The following OR52R1 variants were observed in gnomAD, a reference collection of about 807,000 sequenced individuals.
OR52R1 encodes the protein olfactory receptor family 52 subfamily R member 1.
For synonymous variants in OR52R1, 159 were observed against 150.1 expected (o/e 1.06, Z -0.43); for missense variants, 432 against 395.1 (o/e 1.09, Z -0.79).
chr11:4,803,680 C>T lies in OR52R1; in HGVS notation c.701G>A (p.Gly234Asp). ...GCTAAAAGCTTTGAGGCGGGCTTCA[C>T]CTGAGGGCAACTGAAGCACAGCTCT... ...ILRAVLQLPS[G>D]EARLKAFSTR... The change falls in exon 1 of 1, where the codon GGT becomes GAT. Residue 234 changes from glycine (G) to aspartate (D), a missense_variant. Physicochemically the swap from Gly to Asp is moderately conservative, Grantham distance 94. Coordinates refer to ENST00000624978, the MANE Select transcript of OR52R1 (RefSeq NM_001005177.3). 2.5e-6 allele frequency: 4 copies of T among 1,613,862 alleles called. No individual in the cohort carries two copies. Among genetic ancestry groups the T allele is most frequent in the Non-Finnish European group, 3.4e-6 (4 of 1,179,964 alleles).
At position 4,803,439 on chromosome 11, in the gene OR52R1, G is replaced by C. The variant is rs200172846; in HGVS notation, c.942C>G (p.Ile314Met). 99 of 1,599,240 alleles carry C rather than the reference G, an allele frequency of 6.2e-5. No individual in the cohort carries two copies. Among genetic ancestry groups the C allele is most frequent in the Non-Finnish European group, 8.5e-6 (10 of 1,169,684 alleles). ...DRVIQGCCGN[I>M]P is the part of the protein sequence containing the mutation. ...GGATACACTGACCCTTTGCTCAGGG[G>C]ATGTTTCCACAACATCCTTGGATAA... The change falls in exon 1 of 1, where the codon ATC (isoleucine) becomes ATG (methionine). Residue 314 changes from isoleucine (I) to methionine (M), a missense_variant. Physicochemically the swap from Ile to Met is conservative, Grantham distance 10. Transcript: ENST00000624978.
Position 4,804,169 on chromosome 11 carries a change from A to T in OR52R1, c.212T>A (p.Ile71Asn), listed in dbSNP as rs772784953. 2.5e-6 allele frequency: 4 copies of T among 1,614,186 alleles called. No individual in the cohort carries two copies. The East Asian group carries it at 6.7e-5, about 27-fold the overall frequency. ...GGAGGAGGAGAGGACCAGGTCAGTG[A>T]TGGCCAGCATGGCCAGAAAGAGGTA... Reference protein sequence around the residue: ...PMYLFLAMLAITDLVLSSSTQ... With the variant: ...PMYLFLAMLANTDLVLSSSTQ... The change falls in exon 1 of 1, where the codon ATC (isoleucine) becomes AAC (asparagine). Residue 71 changes from isoleucine (I) to asparagine (N), a missense_variant. Coordinates refer to ENST00000624978, the MANE Select transcript of OR52R1 (RefSeq NM_001005177.3).
rs750229135 is a variant in OR52R1, at chr11:4,803,540, T to A, written c.841A>T (p.Asn281Tyr). Residue 281 changes from asparagine (N) to tyrosine (Y), a missense_variant, in exon 1 of 1, where the codon AAT (asparagine) becomes TAT (tyrosine). Transcript: ENST00000624978. ...VPRVVHILFA[N>Y]LYLLIPPMLN... ...ATGGGAGGTATCAGTAGATAGAGAT[T>A]AGCAAACAGGATGTGTACAACTCGG... 5 of 1,613,932 alleles carry A rather than the reference T, an allele frequency of 3.1e-6. No individual in the cohort carries two copies. The highest frequency in any genetic ancestry group is 1.1e-5 in the South Asian group (1 of 91,048).
Position 4,803,972 on chromosome 11 carries a change from TAG to T in OR52R1, c.407_408del (p.Ser136Ter). ...YVAICFPLRH[S>X]SILTPSVVIK... ...ATCACGACCGATGGGGTCAGGATGCTAGAGTGTCGGAGTGGGAAGCAGATAGC... is the reference window on the plus strand; with the variant it reads ...ATCACGACCGATGGGGTCAGGATGCTAGTGTCGGAGTGGGAAGCAGATAGC... On this transcript the variant is annotated frameshift_variant, in exon 1 of 1. Coordinates refer to ENST00000624978, the MANE Select transcript of OR52R1 (RefSeq NM_001005177.3). LOFTEE classifies it low-confidence loss of function (END_TRUNC). The T allele has an allele frequency of 6.2e-7, 1 of 1,613,438 alleles. No individual in the cohort carries two copies. Among genetic ancestry groups the T allele is most frequent in the Non-Finnish European group, 8.5e-7 (1 of 1,179,924 alleles).
At position 4,803,519 on chromosome 11, in the gene OR52R1, G is replaced by C. The variant is rs1373468248; in HGVS notation, c.862C>G (p.Pro288Ala). The change falls in exon 1 of 1, where the codon CCC becomes GCC. Residue 288 changes from proline (P) to alanine (A), a missense_variant. Physicochemically the swap from Pro to Ala is conservative, Grantham distance 27. Transcript: ENST00000624978. ...CCATAAATGATGGGGTTGAGCATGGGAGGTATCAGTAGATAGAGATTAGCA... is the reference window on the plus strand; with the variant it reads ...CCATAAATGATGGGGTTGAGCATGGCAGGTATCAGTAGATAGAGATTAGCA... ...LFANLYLLIP[P>A]MLNPIIYGVR... 1.2e-6 allele frequency: 2 copies of C among 1,613,980 alleles called. No homozygotes were observed. Among genetic ancestry groups the C allele is most frequent in the Non-Finnish European group, 1.7e-6 (2 of 1,179,992 alleles).
At position 4,803,466 on chromosome 11, in the gene OR52R1, C is replaced by G; in HGVS notation, c.915G>C (p.Arg305Ser). ...TGTTTCCACAACATCCTTGGATAAC[C>G]CTGTCCCCGATCTGTTTGGTTCTAA... ...YGVRTKQIGDRVIQGCCGNIP is the reference protein window; with the variant it reads ...YGVRTKQIGDSVIQGCCGNIP The change falls in exon 1 of 1, where the codon AGG (arginine) becomes AGC (serine). Residue 305 changes from arginine (R) to serine (S), a missense_variant. Physicochemically the swap from Arg to Ser is moderately radical, Grantham distance 110. Transcript: ENST00000624978. 3.1e-6 allele frequency: 5 copies of G among 1,612,246 alleles called. No individual in the cohort carries two copies. The highest frequency in any genetic ancestry group is 4.2e-6 in the Non-Finnish European group (5 of 1,178,666).
Position 4,804,095 on chromosome 11 carries a change from G to GA in OR52R1, c.285dup (p.Gln96SerfsTer42). The GA allele has an allele frequency of 6.2e-7, 1 of 1,614,102 alleles. No homozygotes were observed. Among genetic ancestry groups the GA allele is most frequent in the Non-Finnish European group, 8.5e-7 (1 of 1,180,026 alleles). ...ACCTGGATGAGGCAGGCATGGTACT[G>GA]AATCTCATGAGCATGAAACCAGAAT... On this transcript the variant is annotated frameshift_variant, in exon 1 of 1. Coordinates refer to ENST00000624978, the MANE Select transcript of OR52R1 (RefSeq NM_001005177.3). LOFTEE classifies it low-confidence loss of function (END_TRUNC).
At position 4,803,509 on chromosome 11, in the gene OR52R1, T is replaced by A. The variant is rs912305048; in HGVS notation, c.872A>T (p.Asn291Ile). Residue 291 changes from asparagine (N) to isoleucine (I), a missense_variant, in exon 1 of 1, where the codon AAC (asparagine) becomes ATC (isoleucine). By Grantham distance (149) the Asn-to-Ile change is moderately radical. Coordinates refer to ENST00000624978, the MANE Select transcript of OR52R1 (RefSeq NM_001005177.3). Reference sequence around the variant, plus strand: ...GGTTCTAACTCCATAAATGATGGGGTTGAGCATGGGAGGTATCAGTAGATA... The same window carrying A: ...GGTTCTAACTCCATAAATGATGGGGATGAGCATGGGAGGTATCAGTAGATA... ...NLYLLIPPML[N>I]PIIYGVRTKQ... 2.5e-6 allele frequency: 4 copies of A among 1,613,796 alleles called. No homozygotes were observed. The highest frequency in any genetic ancestry group is 1.7e-5 in the Admixed American group (1 of 59,982).
Position 4,803,545 on chromosome 11 carries a change from A to C in OR52R1, c.836T>G (p.Phe279Cys). The change falls in exon 1 of 1, where the codon TTT becomes TGT. Residue 279 changes from phenylalanine to cysteine, a missense_variant. Phe to Cys is a radical substitution (Grantham distance 205, BLOSUM62 -2). Transcript: ENST00000624978. The part of the protein sequence containing the change: ...HDVPRVVHIL[F>C]ANLYLLIPPM... ...AGGTATCAGTAGATAGAGATTAGCAAACAGGATGTGTACAACTCGGGGCAC... is the reference window on the plus strand; with the variant it reads ...AGGTATCAGTAGATAGAGATTAGCACACAGGATGTGTACAACTCGGGGCAC... 1 of 1,614,078 alleles carries C rather than the reference A, an allele frequency of 6.2e-7. No homozygotes were observed. Among genetic ancestry groups the C allele is most frequent in the Non-Finnish European group, 8.5e-7 (1 of 1,179,986 alleles).
Position 4,804,268 on chromosome 11 carries a change from T to C in OR52R1, c.113A>G (p.Tyr38Cys), listed in dbSNP as rs933607793. The change falls in exon 1 of 1, where the codon TAT (tyrosine) becomes TGT (cysteine). Residue 38 changes from tyrosine to cysteine, a missense_variant. Physicochemically the swap from Tyr to Cys is radical, Grantham distance 194 (BLOSUM62 -2). Transcript: ENST00000624978. ...LWIAFPFCATYAVAVVGNITL... is the reference protein window; with the variant it reads ...LWIAFPFCATCAVAVVGNITL... Reference sequence around the variant, plus strand: ...GATATTTCCAACAACAGCCACAGCATACGTGGCACAGAACGGAAAGGCAAT... The same window carrying C: ...GATATTTCCAACAACAGCCACAGCACACGTGGCACAGAACGGAAAGGCAAT... 1.2e-6 allele frequency: 2 copies of C among 1,613,680 alleles called. No individual in the cohort carries two copies. The highest frequency in any genetic ancestry group is 1.7e-6 in the Non-Finnish European group (2 of 1,179,836).
chr11:4,804,182 C>A lies in OR52R1; in HGVS notation c.199G>T (p.Ala67Ser). 3 of 1,614,070 alleles carry A rather than the reference C, an allele frequency of 1.9e-6. No individual in the cohort carries two copies. The Admixed American group carries it at 5.0e-5, about 27-fold the overall frequency. The part of the protein sequence containing the change: ...TLHEPMYLFL[A>S]MLAITDLVLS... ...ACCAGGTCAGTGATGGCCAGCATGGCCAGAAAGAGGTACATGGGCTCATGC... is the reference window on the plus strand; with the variant it reads ...ACCAGGTCAGTGATGGCCAGCATGGACAGAAAGAGGTACATGGGCTCATGC... The change falls in exon 1 of 1, where the codon GCC becomes TCC. Residue 67 changes from alanine (A) to serine (S), a missense_variant. Ala to Ser is a moderately conservative substitution (Grantham distance 99). Coordinates refer to ENST00000624978, the MANE Select transcript of OR52R1 (RefSeq NM_001005177.3).
At position 4,804,207 on chromosome 11, in the gene OR52R1, C is replaced by G. The variant is rs762166303; in HGVS notation, c.174G>C (p.Leu58=). Residue 58 remains leucine, a synonymous_variant, in exon 1 of 1, where the codon CTG becomes CTC. Coordinates refer to ENST00000624978, the MANE Select transcript of OR52R1 (RefSeq NM_001005177.3). ...CCAGAAAGAGGTACATGGGCTCATG[C>G]AGGGTGTGGTCAATTCTGATTACAT... ...LLHVIRIDHT[L]HEPMYLFLAM... is the part of the protein sequence containing the mutation. The G allele has an allele frequency of 1.2e-6, 2 of 1,614,050 alleles. No individual in the cohort carries two copies. The highest frequency in any genetic ancestry group is 1.7e-6 in the Non-Finnish European group (2 of 1,179,990).
chr11:4,803,705 T>C lies in OR52R1; in HGVS notation c.676A>G (p.Arg226Gly), dbSNP rs1849217233. The change falls in exon 1 of 1, where the codon AGA (arginine) becomes GGA (glycine). Residue 226 changes from arginine to glycine, a missense_variant. Coordinates refer to ENST00000624978, the MANE Select transcript of OR52R1 (RefSeq NM_001005177.3). The part of the protein sequence containing the change: ...VIGMSYVMIL[R>G]AVLQLPSGEA... Reference sequence around the variant, plus strand: ...CCTGAGGGCAACTGAAGCACAGCTCTCAAAATCATCACGTATGACATACCA... The same window carrying C: ...CCTGAGGGCAACTGAAGCACAGCTCCCAAAATCATCACGTATGACATACCA... 2 of 1,613,428 alleles carry C rather than the reference T, an allele frequency of 1.2e-6. No homozygotes were observed. The highest frequency in any genetic ancestry group is 2.2e-5 in the South Asian group (2 of 91,028).
In OR52R1 at chr11:4,804,289, G is replaced by T; in HGVS notation, c.92C>A (p.Ala31Asp). ...PGLESFQLWI[A>D]FPFCATYAVA... ...AGCATACGTGGCACAGAACGGAAAG[G>T]CAATCCACAACTGGAAACTCTCCAG... The change falls in exon 1 of 1, where the codon GCC becomes GAC. Residue 31 changes from alanine (A) to aspartate (D), a missense_variant. Physicochemically the swap from Ala to Asp is moderately radical, Grantham distance 126. Transcript: ENST00000624978. 6.2e-7 allele frequency: 1 copy of T among 1,614,056 alleles called. No individual in the cohort carries two copies. The highest frequency in any genetic ancestry group is 8.5e-7 in the Non-Finnish European group (1 of 1,179,992).
rs1849221105 is a variant in OR52R1 at position 4,803,863 on chromosome 11, T to C, written c.518A>G (p.Gln173Arg). ...CFMVSRMPFC[Q>R]HQAIPQSYCE... is the part of the protein sequence containing the mutation. ...GTATGACTGGGGAATGGCTTGGTGT[T>C]GGCAGAAGGGCATCCTAGACACCAT... Residue 173 changes from glutamine to arginine, a missense_variant, in exon 1 of 1, where the codon CAA becomes CGA. Transcript: ENST00000624978. The C allele has an allele frequency of 6.2e-7, 1 of 1,612,132 alleles. No individual in the cohort carries two copies. The highest frequency in any genetic ancestry group is 8.5e-7 in the Non-Finnish European group (1 of 1,179,728).
Position 4,803,614 on chromosome 11 carries a change from A to T in OR52R1, c.767T>A (p.Ile256Asn). The T allele has an allele frequency of 1.9e-6, 3 of 1,614,052 alleles. No homozygotes were observed. Residue 256 changes from isoleucine to asparagine, a missense_variant, in exon 1 of 1, where the codon ATC (isoleucine) becomes AAC (asparagine). Coordinates refer to ENST00000624978, the MANE Select transcript of OR52R1 (RefSeq NM_001005177.3). ...SHICVILALY[I>N]PALFSFLTYR... is the part of the protein sequence containing the mutation. ...GGTGAGGAAAGAAAAAAGGGCTGGG[A>T]TATAAAGAGCCAAGATGACACAGAT...
rs747893658 is a variant in OR52R1 at position 4,804,136 on chromosome 11, G to A, written c.245C>T (p.Pro82Leu). 6.2e-6 allele frequency: 10 copies of A among 1,614,164 alleles called. No individual in the cohort carries two copies. In the South Asian group the frequency reaches 8.8e-5, roughly 14 times the overall value. ...TDLVLSSSTQPKMLAIFWFHA... is the reference protein window; with the variant it reads ...TDLVLSSSTQLKMLAIFWFHA... Reference sequence around the variant, plus strand: ...AAACCAGAATATGGCCAACATCTTAGGTTGAGTGGAGGAGGAGAGGACCAG... The same window carrying A: ...AAACCAGAATATGGCCAACATCTTAAGTTGAGTGGAGGAGGAGAGGACCAG... The change falls in exon 1 of 1, where the codon CCT becomes CTT. Residue 82 changes from proline to leucine, a missense_variant. Coordinates refer to ENST00000624978, the MANE Select transcript of OR52R1 (RefSeq NM_001005177.3).
chr11:4,804,004 T>C lies in OR52R1; in HGVS notation c.377A>G (p.Tyr126Cys), dbSNP rs550213959. ...TCGGAGTGGGAAGCAGATAGCCACG[T>C]AGCAGTCCAGGGCCATAGCCATGAG... ...GVLMAMALDC[Y>C]VAICFPLRHS... The change falls in exon 1 of 1, where the codon TAC becomes TGC. Residue 126 changes from tyrosine to cysteine, a missense_variant. By Grantham distance (194) the Tyr-to-Cys change is radical (BLOSUM62 -2). Coordinates refer to ENST00000624978, the MANE Select transcript of OR52R1 (RefSeq NM_001005177.3). The C allele has an allele frequency of 6.8e-6, 11 of 1,613,878 alleles. 1 individual carries two copies. In the African/African-American group the frequency reaches 1.5e-4, roughly 22 times the overall value.
chr11:4,803,784 A>G lies in OR52R1; in HGVS notation c.597T>C (p.Arg199=), dbSNP rs371500134. 1.1e-5 allele frequency: 18 copies of G among 1,613,194 alleles called. No individual in the cohort carries two copies. In the African/African-American group the frequency reaches 2.1e-4, roughly 19 times the overall value. Residue 199 remains arginine, a synonymous_variant, in exon 1 of 1, where the codon CGT becomes CGC. Coordinates refer to ENST00000624978, the MANE Select transcript of OR52R1 (RefSeq NM_001005177.3). ...KLVCADTSIS[R]GNGLFVAFSV... is the part of the protein sequence containing the mutation. ...AGAAGGCCACAAAGAGCCCATTCCC[A>G]CGACTTATGCTTGTATCAGCACACA...
Sources: allele counts gnomAD v4.1 joint callset, GRCh38; gene constraint gnomAD v4.1.1; transcripts MANE v1.5; gene names NCBI Gene and HGNC (gene_info 2026-07-23, HGNC 2026-07-21).